The following NECTIN1 variants were observed in gnomAD, a reference collection of about 807,000 sequenced individuals.
NECTIN1 encodes nectin-1.
NECTIN1 carries 23 observed loss-of-function variants against 48.0 expected under a neutral mutation model. That is an observed-to-expected ratio of 0.48 (90% CI 0.34 to 0.68). The LOEUF (loss-of-function observed/expected upper bound fraction) is 0.68, where lower values mean the gene tolerates loss of function less well. Ranked by LOEUF, NECTIN1 falls within the 30% of genes least tolerant of loss-of-function variation. The pLI, the probability that NECTIN1 is intolerant of heterozygous loss-of-function variation, is 0.01. For missense variants in NECTIN1, 591 were observed against 709.9 expected, an observed-to-expected ratio of 0.83 and a Z score of 1.90; for synonymous variants, 270 against 288.9, an observed-to-expected ratio of 0.93 and a Z score of 0.66.
intron 5 of NECTIN1, among the ~76,000 whole-genome samples, chr11:119,646,454 C>T (rs916730399): frequency 1.6e-4 from 24 of 152,360 alleles, no homozygotes; most frequent in Non-Finnish European, 1.5e-4. Flanking sequence ...ATCCCCCCTC[C>T]GTAGAATCTC....
At chr11:119,668,187 C>A (rs1403846658) in intron 5 of NECTIN1, among the ~76,000 whole-genome samples, 1 of 152,326 alleles carries the variant, frequency 6.6e-6, no homozygotes, top group African/African-American at 2.4e-5. Context: ...ACCTGGTTTG[C>A]CATCTTCCTT....
chr11:119,677,203 G>A lies in NECTIN1; in HGVS notation c.750C>T (p.Thr250=). Residue 250 remains threonine, a synonymous_variant, in exon 4 of 6, where the codon ACC becomes ACT. Transcript: ENST00000264025. This position sits in a 1 kb window ranked among gnomAD's most constrained non-coding sequence, Gnocchi z 5.4. The part of the protein sequence containing the change: ...TLNVQYEPEV[T]IEGFDGNWYL... ...ACCAGTTGCCATCAAACCCCTCAAT[G>A]GTTACCTCAGGCTCATCTGTGGGGC... The A allele has an allele frequency of 6.2e-7, 1 of 1,613,988 alleles. No individual in the cohort carries two copies. Among genetic ancestry groups the A allele is most frequent in the Non-Finnish European group, 8.5e-7 (1 of 1,179,928 alleles).
intron 1 of NECTIN1, among the ~76,000 whole-genome samples, chr11:119,690,883 C>A (rs1865241233): frequency 6.6e-6 from 1 of 152,180 alleles, no homozygotes; most frequent in South Asian, 2.1e-4. Context: ...ACGCCGCCCC[C>A]CACCTCAACC....
intron 5 of NECTIN1, chr11:119,674,473 GC>G: frequency 6.2e-7 from 1 of 1,606,538 alleles, no homozygotes; most frequent in Non-Finnish European, 8.5e-7. Flanking sequence ...TCTGACAACA[GC>G]CCTTCAAGGT....
Position 119,689,935 on chromosome 11 carries a change from CT to C in NECTIN1, c.80-11171del, listed in dbSNP as rs535585101. Reference sequence around the variant, plus strand: ...GGTATCTGCATAGGCACCAAACCTGCTATTTCATTTCTGGGCAGAACTCACT... The same window carrying C: ...GGTATCTGCATAGGCACCAAACCTGCATTTCATTTCTGGGCAGAACTCACT... On this transcript the variant is annotated intron_variant, in intron 1 of 5. Coordinates refer to ENST00000264025, the MANE Select transcript of NECTIN1 (RefSeq NM_002855.5). Among the ~76,000 whole-genome samples the C allele has an allele frequency of 2.0e-5, 3 of 152,384 alleles. No homozygotes were observed. In the South Asian group the frequency reaches 6.2e-4, roughly 32 times the overall value.
chr11:119,695,178 C>T (rs759769628), intron 1 of NECTIN1, among the ~76,000 whole-genome samples: 13 of 152,152 alleles, frequency 8.5e-5, no homozygotes, highest in Non-Finnish European at 1.3e-4. Context: ...GATTTAAATA[C>T]AAATCAGATC....
chr11:119,676,650 G>T (rs1004038406), intron 4 of NECTIN1, among the ~76,000 whole-genome samples: 2 of 152,236 alleles, frequency 1.3e-5, no homozygotes, highest in African/African-American at 4.8e-5. Context: ...AGGCATTCTA[G>T]GCTGGCTGCT....
intron 1 of NECTIN1, among the ~76,000 whole-genome samples, chr11:119,700,425 G>A (rs1434083480): frequency 6.6e-6 from 1 of 152,224 alleles, no homozygotes; most frequent in Admixed American, 6.5e-5. Context: ...GAACTGTGTG[G>A]CTTTCTCTTT....
intron 1 of NECTIN1, among the ~76,000 whole-genome samples, chr11:119,726,623 C>T (rs1865910517): frequency 6.6e-6 from 1 of 152,188 alleles, no homozygotes; most frequent in African/African-American, 2.4e-5. Flanking sequence ...CACAGCAGGC[C>T]TCTAGCCCCC....
chr11:119,726,484 TAA>T (rs1468147876), intron 1 of NECTIN1, among the ~76,000 whole-genome samples: 1 of 152,182 alleles, frequency 6.6e-6, no homozygotes, highest in Non-Finnish European at 1.5e-5. Context: ...GAGCATTTAT[TAA>T]GTACCTCTCT....
At chr11:119,691,969 C>A (rs1338820112) in intron 1 of NECTIN1, among the ~76,000 whole-genome samples, 1 of 152,300 alleles carries the variant, frequency 6.6e-6, no homozygotes, top group South Asian at 2.1e-4. Flanking sequence ...TCCTGCCCCG[C>A]CGGGCAGGGG....
chr11:119,641,807 C>T (rs1160182416), intron 5 of NECTIN1: 1 of 151,886 alleles, frequency 6.6e-6, no homozygotes, highest in Admixed American at 6.5e-5. Context: ...ACTGCAAGCT[C>T]TGCCTCCCGG....
intron 1 of NECTIN1, among the ~76,000 whole-genome samples, chr11:119,702,042 T>A (rs1865465112): frequency 6.6e-6 from 1 of 152,240 alleles, no homozygotes; most frequent in African/African-American, 2.4e-5. Context: ...TGCAATTTAA[T>A]GAAGTCCGAT....
At chr11:119,653,354 T>C (rs1864518955) in intron 5 of NECTIN1, among the ~76,000 whole-genome samples, 1 of 152,212 alleles carries the variant, frequency 6.6e-6, no homozygotes, top group Admixed American at 6.5e-5. Context: ...GATTAAACTG[T>C]AGAAGGCACT....
chr11:119,721,718 T>C (rs540402251), intron 1 of NECTIN1, among the ~76,000 whole-genome samples: 145 of 152,366 alleles, frequency 9.5e-4, no homozygotes, highest in African/African-American at 3.3e-3. Context: ...ACCCTGGCAC[T>C]GTGCCTGCCT....
At chr11:119,701,496 A>G (rs1191337173) in intron 1 of NECTIN1, among the ~76,000 whole-genome samples, 1 of 152,088 alleles carries the variant, frequency 6.6e-6, no homozygotes, top group African/African-American at 2.4e-5. Flanking sequence ...CTCAGCTTGC[A>G]GTCCCTAGAA....
intron 5 of NECTIN1, among the ~76,000 whole-genome samples, chr11:119,653,288 G>A (rs1328553078): frequency 2.0e-5 from 3 of 152,162 alleles, no homozygotes; most frequent in Admixed American, 1.3e-4. Context: ...AAATGATCAC[G>A]GTTGAGACCT....
intron 4 of NECTIN1, among the ~76,000 whole-genome samples, chr11:119,675,858 T>A (rs907870906): frequency 6.6e-6 from 1 of 151,846 alleles, no homozygotes; most frequent in African/African-American, 2.4e-5. Context: ...GTACAAAAAT[T>A]AGCTGGGTGT....
chr11:119,653,427 GC>G (rs937316129), intron 5 of NECTIN1, among the ~76,000 whole-genome samples: 6 of 152,216 alleles, frequency 3.9e-5, no homozygotes, highest in African/African-American at 1.4e-4. Flanking sequence ...AGTGTCCCCT[GC>G]AGGAGGGTGG....
Sources: gnomAD v4.1 joint callset for allele counts (sites outside exome capture counted in the v4.1 genomes callset) on GRCh38, gnomAD v4.1.1 for gene constraint, Gnocchi (gnomAD v3.1) non-coding constraint, MANE v1.5 for transcripts, NCBI Gene and HGNC (gene_info 2026-07-23, HGNC 2026-07-21) for gene names.